The following PCDHA1 variants were observed in gnomAD, a reference collection of about 807,000 sequenced individuals.
PCDHA1 encodes the protein protocadherin alpha-1.
PCDHA1 carries 42 observed loss-of-function variants against 61.3 expected under a neutral mutation model. That is an observed-to-expected ratio of 0.69 (90% CI 0.54 to 0.89). PCDHA1 has a LOEUF of 0.89. Ranked by LOEUF, PCDHA1 falls within the 40% of genes least tolerant of loss-of-function variation. The pLI is 0.00. For synonymous variants in PCDHA1, 610 were observed against 553.8 expected (o/e 1.10, Z -1.43); for missense variants, 1,256 against 1,235.3 (o/e 1.02, Z -0.25).
intron 1 of PCDHA1, chr5:140,822,338 C>A: frequency 1.9e-6 from 3 of 1,614,052 alleles, no homozygotes; most frequent in South Asian, 1.1e-5. Flanking sequence ...GAAGAAGAAA[C>A]GAACTTTTTA....
At chr5:140,846,129 T>C (rs1780211983) in intron 1 of PCDHA1, among the ~76,000 whole-genome samples, 1 of 149,730 alleles carries the variant, frequency 6.7e-6, no homozygotes, top group South Asian at 2.1e-4. Context: ...GATAGTTGTA[T>C]GTTTCCCATA....
At position 140,788,537 on chromosome 5, in the gene PCDHA1, G is replaced by C. The variant is rs1761475799; in HGVS notation, c.2247G>C (p.Ser749=). 1.2e-6 allele frequency: 2 copies of C among 1,613,986 alleles called. No individual in the cohort carries two copies. Among genetic ancestry groups the C allele is most frequent in the Non-Finnish European group, 1.7e-6 (2 of 1,179,954 alleles). ...LVCSSALGSW[S]NSQQRRQRVC... ...GCTCCAGCGCGTTGGGGAGCTGGTCGAACTCACAGCAGAGGCGGCAGAGGG... is the reference window on the plus strand; with the variant it reads ...GCTCCAGCGCGTTGGGGAGCTGGTCCAACTCACAGCAGAGGCGGCAGAGGG... The change falls in exon 1 of 4, where the codon TCG becomes TCC. Residue 749 remains serine (S), a synonymous_variant. Transcript: ENST00000504120.
At chr5:140,843,290 C>T in intron 1 of PCDHA1, 2 of 1,595,968 alleles carry the variant, frequency 1.3e-6, no homozygotes, top group Non-Finnish European at 1.7e-6. Context: ...TCATGGTGAA[C>T]CTGCGCTGAC....
chr5:140,849,576 G>A (rs2150441030), intron 1 of PCDHA1: 3 of 1,598,698 alleles, frequency 1.9e-6, no homozygotes, highest in Non-Finnish European at 2.6e-6. Flanking sequence ...TCCTGTAAAA[G>A]AGGACGCACA....
At chr5:140,935,486 A>C (rs1554210536) in intron 1 of PCDHA1, among the ~76,000 whole-genome samples, 1 of 152,228 alleles carries the variant, frequency 6.6e-6, no homozygotes, top group East Asian at 1.9e-4. Context: ...CTTTTCATTT[A>C]TAAGGCACAT....
intron 1 of PCDHA1, chr5:140,797,576 A>G: frequency 1.6e-6 from 1 of 636,298 alleles, no homozygotes; most frequent in Non-Finnish European, 2.7e-6. Flanking sequence ...CACTTCCATC[A>G]TTAAGTCATA....
chr5:140,949,529 T>C (rs2094389085), intron 1 of PCDHA1, among the ~76,000 whole-genome samples: 1 of 151,910 alleles, frequency 6.6e-6, no homozygotes, highest in South Asian at 2.1e-4. Flanking sequence ...TTTATCTTCA[T>C]AAAATATCGA....
chr5:140,803,449 C>CGCAGCAGAG lies in PCDHA1; in HGVS notation c.2394+14776_2394+14784dup, dbSNP rs558413778. The CGCAGCAGAG allele has an allele frequency of 1.4e-4, 219 of 1,614,208 alleles. No homozygotes were observed. The African/African-American group carries it at 2.6e-3, about 19-fold the overall frequency. ...AGCGCGGTGGGGAGCTGGTCATACTCGCAGCAGAGGCAGCAGAGGGTGTGC... is the reference window on the plus strand; with the variant it reads ...AGCGCGGTGGGGAGCTGGTCATACTCGCAGCAGAGGCAGCAGAGGCAGCAGAGGGTGTGC... On this transcript the variant is annotated intron_variant, in intron 1 of 3. Transcript: ENST00000504120.
intron 1 of PCDHA1, chr5:140,877,932 A>G: frequency 7.1e-7 from 1 of 1,407,638 alleles, no homozygotes; most frequent in Non-Finnish European, 9.3e-7. Flanking sequence ...TTATGATTCT[A>G]TCCTTTAAAC....
intron 1 of PCDHA1, among the ~76,000 whole-genome samples, chr5:140,855,644 T>G (rs1324111294): frequency 6.7e-6 from 1 of 149,848 alleles, no homozygotes; most frequent in Non-Finnish European, 1.5e-5. Context: ...TTGATAATCA[T>G]GTGGTTAGGG....
chr5:140,803,133 C>G (rs1554122593), intron 1 of PCDHA1: 2 of 1,613,726 alleles, frequency 1.2e-6, no homozygotes, highest in African/African-American at 1.3e-5. Context: ...CCCGCGCCAT[C>G]GCCTACTGGT....
chr5:140,788,102 C>T lies in PCDHA1; in HGVS notation c.1812C>T (p.Asn604=), dbSNP rs782172657. The T allele has an allele frequency of 2.2e-5, 35 of 1,613,886 alleles. No individual in the cohort carries two copies. In the East Asian group the frequency reaches 6.7e-4, roughly 31 times the overall value. The change falls in exon 1 of 4, where the codon AAC becomes AAT. Residue 604 remains asparagine (N), a synonymous_variant. Coordinates refer to ENST00000504120, the MANE Select transcript of PCDHA1 (RefSeq NM_018900.4). ...CAGTGGACGCCGACTCGGGCTACAA[C>T]GCGTGGCTGTCCTATGAACTGCAGC... ...VRAVDADSGY[N]AWLSYELQPA... is the part of the protein sequence containing the mutation.
intron 1 of PCDHA1, among the ~76,000 whole-genome samples, chr5:140,975,268 G>C (rs1054634006): frequency 6.6e-6 from 1 of 152,102 alleles, no homozygotes; most frequent in African/African-American, 2.4e-5. Flanking sequence ...TCTGATTTCT[G>C]TCTCTGACCT....
intron 1 of PCDHA1, chr5:140,860,808 G>GCTCA (rs2153220670): frequency 6.6e-6 from 1 of 152,328 alleles, no homozygotes. Context: ...CACGATCTCG[G>GCTCA]CTCACTGCAA....
chr5:140,851,865 A>G, intron 1 of PCDHA1: 3 of 976,808 alleles, frequency 3.1e-6, no homozygotes, highest in Non-Finnish European at 3.7e-6. Context: ...CTCATACATA[A>G]CACAAGGCAG....
intron 1 of PCDHA1, chr5:140,828,708 C>T (rs2150158098): frequency 6.2e-7 from 1 of 1,614,220 alleles, no homozygotes. Flanking sequence ...GAGGAAGCTC[C>T]TGCACACAAC....
chr5:140,797,150 AG>A (rs1257928448), intron 1 of PCDHA1: 3 of 1,613,768 alleles, frequency 1.9e-6, no homozygotes, highest in African/African-American at 1.3e-5. Context: ...CCACCCACCG[AG>A]GGTGCGCGCG....
Position 140,850,144 on chromosome 5 carries a change from C to G in PCDHA1, c.2394+61460C>G. On this transcript the variant is annotated intron_variant, in intron 1 of 3. Transcript: ENST00000504120. ...GTGCCGCCTCTGGGCAGCAACGTGA[C>G]GCTGCAGGTGTTCGTGCTGGACGAG... The G allele has an allele frequency of 1.9e-6, 3 of 1,595,628 alleles. 1 individual carries two copies. In the African/African-American group the frequency reaches 4.0e-5, roughly 21 times the overall value.
At chr5:140,822,457 T>C in intron 1 of PCDHA1, 2 of 1,613,784 alleles carry the variant, frequency 1.2e-6, no homozygotes, top group Non-Finnish European at 8.5e-7. Flanking sequence ...AGTTCAGTTG[T>C]TGATCAATGT....
Sources: gnomAD v4.1 joint callset for allele counts (sites outside exome capture counted in the v4.1 genomes callset) on GRCh38, gnomAD v4.1.1 for gene constraint, MANE v1.5 for transcripts, NCBI Gene and HGNC (gene_info 2026-07-23, HGNC 2026-07-21) for gene names.